The following CAMK1D variants were observed in gnomAD, a reference collection of about 807,000 sequenced individuals.
The protein encoded by CAMK1D is calcium/calmodulin dependent protein kinase ID.
CAMK1D carries 9 observed loss-of-function variants against 47.7 expected under a neutral mutation model. That is an observed-to-expected ratio of 0.19 (90% CI 0.11 to 0.33). The LOEUF (loss-of-function observed/expected upper bound fraction) is 0.33, where lower values mean the gene tolerates loss of function less well. Among genes scored for constraint, CAMK1D ranks in the 10% least tolerant of loss-of-function variants. CAMK1D has a pLI of 1.00. For missense variants in CAMK1D, 291 were observed against 488.7 expected (o/e 0.60, Z 3.81); for synonymous variants, 184 against 184.9 (o/e 0.99, Z 0.04).
At chr10:12,614,288 C>T (rs1350031635) in intron 2 of CAMK1D, among the ~76,000 whole-genome samples, 1 of 152,210 alleles carries the variant, frequency 6.6e-6, no homozygotes, top group Non-Finnish European at 1.5e-5. Flanking sequence ...CAAGTGTTCA[C>T]TTGGTGTTGT....
chr10:12,664,379 T>A (rs1167080903), intron 2 of CAMK1D, among the ~76,000 whole-genome samples: 1 of 151,846 alleles, frequency 6.6e-6, no homozygotes, highest in Non-Finnish European at 1.5e-5. Flanking sequence ...TCTGGAACGC[T>A]GCAATGGATT....
chr10:12,819,990 G>A (rs1832958406), intron 8 of CAMK1D, among the ~76,000 whole-genome samples: 1 of 152,186 alleles, frequency 6.6e-6, no homozygotes, highest in Non-Finnish European at 1.5e-5. Context: ...GGACTCGGGG[G>A]AAGATTGTGC....
In CAMK1D at chr10:12,774,670, C is replaced by T. The variant is rs1468919921; in HGVS notation, c.565+4871C>T. Among the ~76,000 whole-genome samples the T allele has an allele frequency of 2.0e-5, 3 of 152,144 alleles. No individual in the cohort carries two copies. In the East Asian group the frequency reaches 5.8e-4, roughly 29 times the overall value. On this transcript the variant is annotated intron_variant, in intron 5 of 10. Transcript: ENST00000619168. ...TACTGATTCGGGGCCTGTTAGGAAG[C>T]GAGCTGCACAGCAGGAAGTGAGAGG...
chr10:12,547,667 C>T (rs1836430208), intron 1 of CAMK1D, among the ~76,000 whole-genome samples: 1 of 68,558 alleles, frequency 1.5e-5, no homozygotes, highest in African/African-American at 4.2e-5. Context: ...CACTCTCTCT[C>T]TCTCTTTCTC....
intron 3 of CAMK1D, among the ~76,000 whole-genome samples, chr10:12,736,602 G>A (rs1835199744): frequency 6.6e-6 from 1 of 152,164 alleles, no homozygotes; most frequent in Non-Finnish European, 1.5e-5. Flanking sequence ...CATGAAAAAT[G>A]AATAAGAAAT....
intron 1 of CAMK1D, among the ~76,000 whole-genome samples, chr10:12,507,121 G>C (rs1050895418): frequency 2.0e-5 from 3 of 152,242 alleles, no homozygotes; most frequent in Admixed American, 6.5e-5. Context: ...GAAAAGTTCT[G>C]AGAAGTTTGC....
At chr10:12,686,744 T>G (rs898692820) in intron 3 of CAMK1D, among the ~76,000 whole-genome samples, 1 of 152,186 alleles carries the variant, frequency 6.6e-6, no homozygotes, top group Non-Finnish European at 1.5e-5. Context: ...GAGGGAAGAT[T>G]GGGTGTTTGG....
chr10:12,579,827 C>T (rs1002805438), intron 2 of CAMK1D, among the ~76,000 whole-genome samples: 3 of 152,148 alleles, frequency 2.0e-5, no homozygotes, highest in South Asian at 2.1e-4. Flanking sequence ...AGCGAGAGGT[C>T]GGATCTCTTC....
chr10:12,447,851 TTTATTA>T (rs1238461118), intron 1 of CAMK1D, among the ~76,000 whole-genome samples: 1 of 152,070 alleles, frequency 6.6e-6, no homozygotes, highest in Non-Finnish European at 1.5e-5. Context: ...TTTACTTATT[TTTATTA>T]TTATTATTTT....
rs375404056 is a variant in CAMK1D at position 12,419,239 on chromosome 10, T to C, written c.92+69329T>C. 1.4e-3 allele frequency among the ~76,000 whole-genome samples: 219 copies of C among 151,878 alleles called. 1 individual carries two copies. Among genetic ancestry groups the C allele is most frequent in the African/African-American group, 4.7e-3 (195 of 41,356 alleles). On this transcript the variant is annotated intron_variant, in intron 1 of 10. Transcript: ENST00000619168. The stretch of plus-strand genomic sequence containing the variant: ...ATCTCATGAATACTCACCCCTACTT[T>C]CTGCCCCTATGAAAAAAAAAATAAA...
At chr10:12,353,424 T>G (rs187948115) in intron 1 of CAMK1D, among the ~76,000 whole-genome samples, 1 of 152,294 alleles carries the variant, frequency 6.6e-6, no homozygotes, top group Non-Finnish European at 1.5e-5. Flanking sequence ...TAATCTGATA[T>G]CCACTGCCTT....
At chr10:12,428,608 G>A (rs1014422149) in intron 1 of CAMK1D, among the ~76,000 whole-genome samples, 1 of 152,252 alleles carries the variant, frequency 6.6e-6, no homozygotes, top group South Asian at 2.1e-4. Flanking sequence ...GGGCAGCCCC[G>A]GGAAGAGGCC....
chr10:12,369,351 G>A (rs1837941933), intron 1 of CAMK1D, among the ~76,000 whole-genome samples: 1 of 152,212 alleles, frequency 6.6e-6, no homozygotes, highest in Non-Finnish European at 1.5e-5. Flanking sequence ...CTCCATGCCA[G>A]GCACTAAGAA....
At chr10:12,555,942 G>A (rs1206026939) in intron 2 of CAMK1D, among the ~76,000 whole-genome samples, 2 of 152,160 alleles carry the variant, frequency 1.3e-5, no homozygotes, top group South Asian at 2.1e-4. Flanking sequence ...TTCACCCTGC[G>A]CCTCACTCAA....
At chr10:12,826,930 C>G (rs1344768503) in intron 10 of CAMK1D, among the ~76,000 whole-genome samples, 1 of 152,228 alleles carries the variant, frequency 6.6e-6, no homozygotes. Context: ...CATGTCTGAG[C>G]ACACAGACTC....
intron 8 of CAMK1D, 146 bp downstream of exon 8, chr10:12,816,474 C>T: frequency 1.5e-6 from 1 of 656,676 alleles, no homozygotes; most frequent in Non-Finnish European, 2.7e-6. Context: ...CTTTCCTCCT[C>T]TCCCCAAGCC....
intron 1 of CAMK1D, among the ~76,000 whole-genome samples, chr10:12,361,756 A>G (rs1837672139): frequency 6.6e-6 from 1 of 151,020 alleles, no homozygotes; most frequent in Admixed American, 6.6e-5. Flanking sequence ...AGGTTTCACC[A>G]TGTTGGCCAG....
chr10:12,743,525 A>C (rs1328586890), intron 3 of CAMK1D, among the ~76,000 whole-genome samples: 2 of 152,204 alleles, frequency 1.3e-5, no homozygotes, highest in Non-Finnish European at 2.9e-5. Context: ...TATAAATCAC[A>C]TACCATAAAA....
intron 3 of CAMK1D, among the ~76,000 whole-genome samples, chr10:12,671,503 G>A (rs545647613): frequency 6.6e-6 from 1 of 152,068 alleles, no homozygotes. Context: ...TCCTGTGGGT[G>A]TGAAGTGGCA....
Sources: allele counts gnomAD v4.1 joint callset (sites outside exome capture counted in the v4.1 genomes callset), GRCh38; gene constraint gnomAD v4.1.1; transcripts MANE v1.5; gene names NCBI Gene and HGNC (gene_info 2026-07-23, HGNC 2026-07-21).